Variants in ROBO2 observed in about 807,000 individuals in gnomAD.
ROBO2 encodes the protein roundabout guidance receptor 2, also known as roundabout homolog 2.
A neutral mutation model predicts 160.8 loss-of-function variants in ROBO2; 53 were observed. The observed-to-expected ratio is 0.33, with a 90% CI of 0.26 to 0.41. The LOEUF is 0.41. ROBO2 is among the 10% of genes least tolerant of loss of function. ROBO2 has a pLI of 1.00. For missense variants in ROBO2, 1,577 were observed against 1,722.4 expected, an observed-to-expected ratio of 0.92 and a Z score of 1.49; for synonymous variants, 664 against 611.7, an observed-to-expected ratio of 1.09 and a Z score of -1.26.
At chr3:76,494,126 A>G (rs2080004888) in intron 2 of ROBO2, among the ~76,000 whole-genome samples, 1 of 152,206 alleles carries the variant, frequency 6.6e-6, no homozygotes, top group African/African-American at 2.4e-5. Context: ...TAAAAGGTGG[A>G]AACAGCCCAA....
intron 19 of ROBO2, among the ~76,000 whole-genome samples, chr3:77,599,549 A>T (rs183046069): frequency 0.019 from 2,917 of 151,574 alleles, 37 homozygotes; most frequent in Middle Eastern, 0.027. Flanking sequence ...CTAATGTTAA[A>T]TGACGAGTTA....
At chr3:76,890,252 A>G (rs1445683662) in intron 2 of ROBO2, among the ~76,000 whole-genome samples, 2 of 152,174 alleles carry the variant, frequency 1.3e-5, no homozygotes, top group African/African-American at 2.4e-5. Context: ...ATAAATGTAG[A>G]TATTATGATT....
chr3:76,883,355 C>G (rs2148763257), intron 2 of ROBO2, among the ~76,000 whole-genome samples: 1 of 152,200 alleles, frequency 6.6e-6, no homozygotes, highest in Admixed American at 6.5e-5. Context: ...TTATTTAACA[C>G]TCCTATCATG....
intron 16 of ROBO2, among the ~76,000 whole-genome samples, chr3:77,582,153 A>T (rs1279125002): frequency 3.9e-5 from 6 of 152,090 alleles, no homozygotes; most frequent in Non-Finnish European, 8.8e-5. Context: ...ATTAAATTGC[A>T]TATTGTTAGG....
chr3:76,918,446 T>G (rs1041454103), intron 2 of ROBO2, among the ~76,000 whole-genome samples: 1 of 152,208 alleles, frequency 6.6e-6, no homozygotes, highest in Non-Finnish European at 1.5e-5. Context: ...AAGTCTCAGG[T>G]ATTTCTTCAT....
At chr3:77,121,224 C>T (rs1315388656) in intron 2 of ROBO2, among the ~76,000 whole-genome samples, 1 of 152,100 alleles carries the variant, frequency 6.6e-6, no homozygotes, top group African/African-American at 2.4e-5. Context: ...TGATTAAAGG[C>T]GTGAGCCACC....
intron 2 of ROBO2, among the ~76,000 whole-genome samples, chr3:76,222,833 C>A (rs1287857768): frequency 6.6e-6 from 1 of 152,032 alleles, no homozygotes; most frequent in African/African-American, 2.4e-5. Context: ...GGGCTCACTG[C>A]AACCTCCGCC....
At chr3:76,931,476 T>A (rs2077334704) in intron 2 of ROBO2, among the ~76,000 whole-genome samples, 1 of 152,006 alleles carries the variant, frequency 6.6e-6, no homozygotes, top group African/African-American at 2.4e-5. Flanking sequence ...TCATTTATGA[T>A]CTTACATATT....
At chr3:76,168,688 G>T (rs189226479) in intron 2 of ROBO2, among the ~76,000 whole-genome samples, 2 of 151,972 alleles carry the variant, frequency 1.3e-5, no homozygotes, top group Non-Finnish European at 2.9e-5. Context: ...ATTAACACAA[G>T]CATCTTAACT....
At chr3:76,083,989 A>G (rs2068924105) in intron 2 of ROBO2, among the ~76,000 whole-genome samples, 1 of 152,036 alleles carries the variant, frequency 6.6e-6, no homozygotes, top group Non-Finnish European at 1.5e-5. Flanking sequence ...CTCTTAGTCT[A>G]TTGTTTTTAA....
intron 2 of ROBO2, among the ~76,000 whole-genome samples, chr3:76,296,825 C>T (rs1709099939): frequency 6.6e-6 from 1 of 152,084 alleles, no homozygotes; most frequent in Non-Finnish European, 1.5e-5. Flanking sequence ...TGTCTTAAAA[C>T]TAGGTGAGCG....
At chr3:77,166,441 G>A (rs2079082287) in intron 2 of ROBO2, among the ~76,000 whole-genome samples, 2 of 151,924 alleles carry the variant, frequency 1.3e-5, no homozygotes, top group Admixed American at 6.6e-5. Context: ...GATTTAATTC[G>A]GGATTATGCA....
chr3:76,315,007 G>A (rs1275018524), intron 2 of ROBO2, among the ~76,000 whole-genome samples: 1 of 152,118 alleles, frequency 6.6e-6, no homozygotes, highest in Non-Finnish European at 1.5e-5. Context: ...GGTATAAATA[G>A]AAAAATAGGT....
chr3:77,325,600 G>A (rs2065294866), intron 2 of ROBO2, among the ~76,000 whole-genome samples: 1 of 152,100 alleles, frequency 6.6e-6, no homozygotes, highest in Admixed American at 6.6e-5. Context: ...CTGCATCTTG[G>A]GCAAAATGTG....
At chr3:77,339,514 A>T (rs1581176196) in intron 2 of ROBO2, among the ~76,000 whole-genome samples, 1 of 152,100 alleles carries the variant, frequency 6.6e-6, no homozygotes, top group East Asian at 1.9e-4. Context: ...GCATCTGTGG[A>T]CAACATCAGT....
intron 2 of ROBO2, among the ~76,000 whole-genome samples, chr3:77,120,400 T>G (rs1298263092): frequency 1.3e-5 from 2 of 152,184 alleles, no homozygotes; most frequent in Non-Finnish European, 2.9e-5. Flanking sequence ...GGAAATCACA[T>G]TTTTCTCCTG....
At chr3:76,099,011 A>G (rs1379577881) in intron 2 of ROBO2, among the ~76,000 whole-genome samples, 1 of 152,196 alleles carries the variant, frequency 6.6e-6, no homozygotes, top group Non-Finnish European at 1.5e-5. Flanking sequence ...CTCATAATCA[A>G]TATAGCTAGG....
chr3:76,642,946 A>G (rs1162507552), intron 2 of ROBO2, among the ~76,000 whole-genome samples: 5 of 152,234 alleles, frequency 3.3e-5, no homozygotes, highest in African/African-American at 1.2e-4. Context: ...ACAGTTACTA[A>G]TGCAATAAAG....
At position 77,359,085 on chromosome 3, in the gene ROBO2, G is replaced by A. The variant is rs376298428; in HGVS notation, c.389-118329G>A. Reference sequence around the variant, plus strand: ...CTTTCTCACCCTGACTTCCTGTCCCGACTTGAATAGAAAGCAATGCATGAG... The same window carrying A: ...CTTTCTCACCCTGACTTCCTGTCCCAACTTGAATAGAAAGCAATGCATGAG... On this transcript the variant is annotated intron_variant, in intron 2 of 25. Transcript: ENST00000461745. Among the ~76,000 whole-genome samples the A allele has an allele frequency of 1.4e-4, 22 of 152,240 alleles. No homozygotes were observed. In the East Asian group the frequency reaches 3.3e-3, roughly 23 times the overall value.
Sources: allele counts gnomAD v4.1 joint callset (sites outside exome capture counted in the v4.1 genomes callset), GRCh38; gene constraint gnomAD v4.1.1; transcripts MANE v1.5; gene names NCBI Gene and HGNC (gene_info 2026-07-23, HGNC 2026-07-21).